DIP2B: variants seen among roughly 807,000 people sequenced by gnomAD.
The protein encoded by DIP2B is DIP2 acetate--CoA ligase B (putative).
Under a neutral mutation model 198.0 loss-of-function variants are expected in DIP2B, and 76 were observed. That is an observed-to-expected ratio of 0.38 (90% CI 0.32 to 0.46). DIP2B has a LOEUF of 0.46. Among genes scored for constraint, DIP2B ranks in the 20% least tolerant of loss-of-function variants. The probability of loss-of-function intolerance (pLI) is 0.99; values close to 1 mark genes in which losing one functional copy is unlikely to be tolerated. For missense variants in DIP2B, 1,559 were observed against 1,978.4 expected (o/e 0.79, Z 4.02); for synonymous variants, 701 against 739.1 (o/e 0.95, Z 0.84).
chr12:50,578,166 G>A (rs1230946156), intron 1 of DIP2B, among the ~76,000 whole-genome samples: 1 of 151,944 alleles, frequency 6.6e-6, no homozygotes, highest in Non-Finnish European at 1.5e-5. Context: ...GTGCACCACA[G>A]CCAGCTAATT....
At chr12:50,534,905 A>C (rs1958250448) in intron 1 of DIP2B, among the ~76,000 whole-genome samples, 2 of 152,150 alleles carry the variant, frequency 1.3e-5, no homozygotes, top group South Asian at 4.1e-4. Context: ...TGTTTATCAA[A>C]GTATATGAAA....
At chr12:50,727,932 C>G (rs900868611) in intron 29 of DIP2B, 120 bp downstream of exon 29, 1 of 747,620 alleles carries the variant, frequency 1.3e-6, no homozygotes, top group African/African-American at 1.8e-5. Context: ...GAGTGAAGAT[C>G]TAAGTCGCTG....
chr12:50,570,356 C>T (rs925482152), intron 1 of DIP2B, among the ~76,000 whole-genome samples: 1 of 152,128 alleles, frequency 6.6e-6, no homozygotes, highest in Non-Finnish European at 1.5e-5. Context: ...ATTTGAGCAC[C>T]TACTAAGTGC....
intron 1 of DIP2B, among the ~76,000 whole-genome samples, chr12:50,528,157 A>G (rs1158501955): frequency 2.7e-5 from 4 of 150,584 alleles, no homozygotes; most frequent in African/African-American, 9.8e-5. Flanking sequence ...GAACTCTTGG[A>G]CTCAAGCAAT....
At chr12:50,553,527 C>T (rs763451469) in intron 1 of DIP2B, among the ~76,000 whole-genome samples, 20 of 152,108 alleles carry the variant, frequency 1.3e-4, no homozygotes, top group Non-Finnish European at 2.2e-4. Context: ...TTATAAGGTA[C>T]GACTGAATTA....
At chr12:50,543,645 G>A (rs1017050121) in intron 1 of DIP2B, among the ~76,000 whole-genome samples, 1 of 151,754 alleles carries the variant, frequency 6.6e-6, no homozygotes, top group Non-Finnish European at 1.5e-5. Flanking sequence ...ATGTTGGGCC[G>A]GTCATGGTGT....
chr12:50,596,506 C>T (rs1365350572), intron 1 of DIP2B, among the ~76,000 whole-genome samples: 2 of 152,162 alleles, frequency 1.3e-5, no homozygotes, highest in African/African-American at 4.8e-5. Context: ...GGACTGGGAA[C>T]CTCTCAGAAG....
chr12:50,696,519 A>G (rs1055443867), intron 16 of DIP2B, among the ~76,000 whole-genome samples: 17 of 152,166 alleles, frequency 1.1e-4, no homozygotes, highest in Admixed American at 1.0e-3. Flanking sequence ...GTAACTGGGT[A>G]TTCCTGTGTT....
At chr12:50,599,821 C>G (rs948008407) in intron 1 of DIP2B, among the ~76,000 whole-genome samples, 1 of 152,104 alleles carries the variant, frequency 6.6e-6, no homozygotes, top group Non-Finnish European at 1.5e-5. Context: ...TTATCAACAC[C>G]ATTTCTATAA....
At chr12:50,590,593 C>T (rs1958810542) in intron 1 of DIP2B, among the ~76,000 whole-genome samples, 1 of 152,128 alleles carries the variant, frequency 6.6e-6, no homozygotes, top group Non-Finnish European at 1.5e-5. Flanking sequence ...TGGTCTCGAA[C>T]TCTTGACCTT....
intron 20 of DIP2B, among the ~76,000 whole-genome samples, chr12:50,705,403 T>C (rs939632): frequency 0.96 from 146,265 of 152,290 alleles, 70,519 homozygotes; most frequent in East Asian, 1. Flanking sequence ...TAGCTTACAG[T>C]TCCATGATTG....
intron 1 of DIP2B, among the ~76,000 whole-genome samples, chr12:50,571,417 C>T (rs1476970222): frequency 6.6e-6 from 1 of 152,098 alleles, no homozygotes; most frequent in Non-Finnish European, 1.5e-5. Flanking sequence ...GGTGATCCAC[C>T]CTGCCTTGGC....
chr12:50,717,515 G>C (rs994983142), intron 23 of DIP2B, among the ~76,000 whole-genome samples: 1 of 151,416 alleles, frequency 6.6e-6, no homozygotes, highest in Non-Finnish European at 1.5e-5. Flanking sequence ...ACAGGCACCC[G>C]CCACCATACC....
At chr12:50,601,317 C>CTA (rs1190914560) in intron 1 of DIP2B, among the ~76,000 whole-genome samples, 6 of 149,974 alleles carry the variant, frequency 4.0e-5, no homozygotes, top group Non-Finnish European at 7.4e-5. Context: ...AGGGTGTTTG[C>CTA]TATATATATC....
rs1184968838 is a variant in DIP2B at position 50,746,568 on chromosome 12, C to T, written c.*1729C>T. The T allele has an allele frequency of 6.6e-6, 1 of 152,222 alleles. No individual in the cohort carries two copies. The highest frequency in any genetic ancestry group is 1.5e-5 in the Non-Finnish European group (1 of 68,070). The allele number at this position is 152,222 out of a possible 1,614,324, so 9.4% of individuals were successfully genotyped here. A position where few individuals can be genotyped will look rare whatever the true frequency, so the allele number is the denominator to read the frequency against. ...TGTAATCCTCTTTTCCTCCCCACTCCTCCACAGAGGGCAGAGCTCAGGACA... is the reference window on the plus strand; with the variant it reads ...TGTAATCCTCTTTTCCTCCCCACTCTTCCACAGAGGGCAGAGCTCAGGACA... On this transcript the variant is annotated 3_prime_UTR_variant, in exon 38 of 38. Transcript: ENST00000301180.
chr12:50,571,472 C>T (rs1446843452), intron 1 of DIP2B, among the ~76,000 whole-genome samples: 1 of 151,294 alleles, frequency 6.6e-6, no homozygotes, highest in East Asian at 2.0e-4. Flanking sequence ...CACACCCCGC[C>T]TATTGGCAGC....
At chr12:50,738,208 C>T (rs535357549) in intron 35 of DIP2B, among the ~76,000 whole-genome samples, 6 of 152,100 alleles carry the variant, frequency 3.9e-5, no homozygotes, top group East Asian at 1.9e-4. Context: ...GACATGGTGG[C>T]GTGTGCCCGT....
Position 50,728,662 on chromosome 12 carries a change from C to G in DIP2B, c.3625C>G (p.Leu1209Val). The stretch of plus-strand genomic sequence containing the variant: ...CCCTTACTGTGGACTTGGCTTCGCG[C>G]TCTGGTGTCTCTGCAGGTAGGGATG... Reference protein sequence around the residue: ...LDPYCGLGFALWCLCSVYSGH... With the variant: ...LDPYCGLGFAVWCLCSVYSGH... The change falls in exon 30 of 38, where the codon CTC becomes GTC. Residue 1209 changes from leucine to valine, a missense_variant. By Grantham distance (32) the Leu-to-Val change is conservative. Transcript: ENST00000301180. 4 of 1,613,914 alleles carry G rather than the reference C, an allele frequency of 2.5e-6. No homozygotes were observed. Among genetic ancestry groups the G allele is most frequent in the Non-Finnish European group, 3.4e-6 (4 of 1,179,968 alleles).
chr12:50,648,330 T>A (rs1052426173), intron 3 of DIP2B, among the ~76,000 whole-genome samples: 3 of 152,168 alleles, frequency 2.0e-5, no homozygotes, highest in Admixed American at 6.5e-5. Context: ...GTAAACTACC[T>A]GTCCATTGCC....
Sources: allele counts gnomAD v4.1 joint callset (sites outside exome capture counted in the v4.1 genomes callset), GRCh38; gene constraint gnomAD v4.1.1; transcripts MANE v1.5; gene names NCBI Gene and HGNC (gene_info 2026-07-23, HGNC 2026-07-21).